STMN1: variants seen among roughly 807,000 people sequenced by gnomAD.
The protein encoded by STMN1 is stathmin.
STMN1 carries 3 observed loss-of-function variants against 19.7 expected under a neutral mutation model. That is an observed-to-expected ratio of 0.15 (90% confidence interval 0.07 to 0.39). The LOEUF is 0.39. STMN1 is among the 10% of genes least tolerant of loss of function. The probability of loss-of-function intolerance (pLI) is 1.00; values close to 1 mark genes in which losing one functional copy is unlikely to be tolerated. For missense variants in STMN1, 99 were observed against 176.0 expected (o/e 0.56, Z 2.48); for synonymous variants, 59 against 58.9 (o/e 1.00, Z -0.01).
At chr1:25,885,159 G>C (rs2048711542), downstream of STMN1, 1 of 153,710 alleles carries the variant, frequency 6.5e-6, no homozygotes, top group East Asian at 1.9e-4. Flanking sequence ...GGTACCAAAG[G>C]TACCCAAATG....
rs548478686 is a variant in STMN1, at chr1:25,900,875, G to C, written c.*141C>G. ...TTAGCCCCTAAAACAACATCTTACAGTCTGGATCTGGATCTACCTATACAG... is the reference window on the plus strand; with the variant it reads ...TTAGCCCCTAAAACAACATCTTACACTCTGGATCTGGATCTACCTATACAG... On this transcript the variant is annotated 3_prime_UTR_variant, in exon 5 of 5. Transcript: ENST00000455785. The C allele has an allele frequency of 2.7e-6, 4 of 1,456,626 alleles. No individual in the cohort carries two copies. The highest frequency in any genetic ancestry group is 2.9e-5 in the African/African-American group (2 of 69,526). 90.2% of individuals were successfully genotyped at this position (1,456,626 alleles called of 1,614,324 possible). A position where few individuals can be genotyped will look rare whatever the true frequency, so the allele number is the denominator to read the frequency against.
At chr1:25,905,261 A>G (rs1320100617) in intron 1 of STMN1, 1 of 152,274 alleles carries the variant, frequency 6.6e-6, no homozygotes, top group Non-Finnish European at 1.5e-5. Flanking sequence ...CAGCAAGCAA[A>G]ATGTTTATGA....
In STMN1 at chr1:25,903,704, C is replaced by T. The variant is rs1186507955; in HGVS notation, c.123G>A (p.Lys41=). Residue 41 remains lysine (K), a synonymous_variant, in exon 3 of 5, where the codon AAG becomes AAA. Coordinates refer to ENST00000455785, the MANE Select transcript of STMN1 (RefSeq NM_005563.4). ...TTTCCTCCAGGGAAAGATCCTTCTT[C>T]TTTGGAGGGGAAAGGGGGAATTCTG... ...SVPEFPLSPP[K]KKDLSLEEIQ... 1.2e-6 allele frequency: 2 copies of T among 1,613,896 alleles called. No homozygotes were observed. The highest frequency in any genetic ancestry group is 8.5e-7 in the Non-Finnish European group (1 of 1,180,032).
chr1:25,894,065 G>A (rs1490693931), intron 4 of STMN1, among the ~76,000 whole-genome samples: 1 of 152,218 alleles, frequency 6.6e-6, no homozygotes, highest in Non-Finnish European at 1.5e-5. Context: ...GTGTCCCACA[G>A]CAGAGGAGAG....
chr1:25,889,736 C>G (rs536816077), intron 4 of STMN1, among the ~76,000 whole-genome samples: 1 of 152,180 alleles, frequency 6.6e-6, no homozygotes, highest in South Asian at 2.1e-4. Flanking sequence ...CCTTAAAGCC[C>G]TTCAAAACTG....
intron 4 of STMN1, chr1:25,892,388 T>A (rs1216116611): frequency 2.7e-6 from 1 of 365,430 alleles, no homozygotes; most frequent in African/African-American, 2.2e-5. Context: ...GACTTTTTTT[T>A]TTTTTTTTTT....
rs1215112008 is a variant in STMN1 at position 25,901,085 on chromosome 1, A to G, written c.381T>C (p.Asp127=). The change falls in exon 5 of 5, where the codon GAT becomes GAC. Residue 127 remains aspartate (D), a splice_region_variant and synonymous_variant. Transcript: ENST00000455785. ...TCTTCCGCACTTCTTCAATGTGCTT[A>G]TCCTGTAAAGGAAGGGTAAGGTGTC... The part of the protein sequence containing the change: ...AAKLERLREK[D]KHIEEVRKNK... The G allele has an allele frequency of 4.6e-6, 7 of 1,510,452 alleles. No homozygotes were observed. The South Asian group carries it at 5.6e-5, about 12-fold the overall frequency. The allele number at this position is 1,510,452 out of a possible 1,614,324, so 93.6% of individuals were successfully genotyped here. A position where few individuals can be genotyped will look rare whatever the true frequency, so the allele number is the denominator to read the frequency against.
At chr1:25,901,116 TCAAA>T in intron 4 of STMN1, 29 bp from the exon 5 acceptor site, 10 of 968,860 alleles carry the variant, frequency 1.0e-5, no homozygotes, top group South Asian at 6.4e-5. Context: ...GTGTCATCAG[TCAAA>T]AAAAAAAAAA....
chr1:25,898,153 T>TA (rs910610005), downstream of STMN1, among the ~76,000 whole-genome samples: 5 of 152,040 alleles, frequency 3.3e-5, no homozygotes, highest in African/African-American at 9.7e-5. Flanking sequence ...CTGCTTAGAA[T>TA]AAAAAAATGG....
intron 4 of STMN1, among the ~76,000 whole-genome samples, chr1:25,886,838 G>A (rs556039441): frequency 2.6e-5 from 4 of 151,924 alleles, no homozygotes; most frequent in Non-Finnish European, 4.4e-5. Flanking sequence ...TGCCTGCCTC[G>A]GTCTCCCAAA....
chr1:25,904,876 A>T, intron 1 of STMN1, 138 bp from the exon 2 acceptor site: 1 of 496,862 alleles, frequency 2.0e-6, no homozygotes, highest in Non-Finnish European at 3.5e-6. Context: ...AACCACGAAA[A>T]AAATTATCAA....
chr1:25,897,876 G>A (rs745310803), downstream of STMN1, among the ~76,000 whole-genome samples: 1 of 152,196 alleles, frequency 6.6e-6, no homozygotes, highest in East Asian at 1.9e-4. Context: ...TTTCCCAAGT[G>A]GAGTGATTTC....
chr1:25,895,156 G>T (rs2124236816), downstream of STMN1, among the ~76,000 whole-genome samples: 1 of 148,398 alleles, frequency 6.7e-6, no homozygotes. Flanking sequence ...AGACTGGAGT[G>T]CGGTGGCGTG....
downstream of STMN1, among the ~76,000 whole-genome samples, chr1:25,896,860 A>G (rs1274607581): frequency 6.6e-6 from 1 of 152,150 alleles, no homozygotes; most frequent in Non-Finnish European, 1.5e-5. Flanking sequence ...CTCACCAGCA[A>G]TGTGTCTGGG....
downstream of STMN1, among the ~76,000 whole-genome samples, chr1:25,895,353 G>A (rs1294065754): frequency 6.6e-6 from 1 of 151,498 alleles, no homozygotes; most frequent in African/African-American, 2.4e-5. Flanking sequence ...TGATCTGCCC[G>A]CCTCGGTCTC....
chr1:25,899,913 G>A (rs1431163374), downstream of STMN1, among the ~76,000 whole-genome samples: 1 of 152,100 alleles, frequency 6.6e-6, no homozygotes, highest in East Asian at 1.9e-4. Flanking sequence ...ATGTCTGAGA[G>A]GCACAAAATA....
chr1:25,894,382 TA>T (rs570079847), intron 4 of STMN1, among the ~76,000 whole-genome samples: 28 of 147,816 alleles, frequency 1.9e-4, no homozygotes, highest in African/African-American at 4.9e-4. Context: ...AACGCTGGCT[TA>T]AAAAAAAAAA....
downstream of STMN1, among the ~76,000 whole-genome samples, chr1:25,895,893 T>C (rs1454433237): frequency 6.6e-6 from 1 of 152,168 alleles, no homozygotes; most frequent in Non-Finnish European, 1.5e-5. Context: ...TTACTCCACA[T>C]GGGGTCCGCA....
downstream of STMN1, among the ~76,000 whole-genome samples, chr1:25,895,904 A>G (rs1045499645): frequency 2.6e-5 from 4 of 152,188 alleles, no homozygotes; most frequent in African/African-American, 9.6e-5. Flanking sequence ...GGGGTCCGCA[A>G]AGGATGAGGA....
Sources: allele counts gnomAD v4.1 joint callset (sites outside exome capture counted in the v4.1 genomes callset), GRCh38; gene constraint gnomAD v4.1.1; transcripts MANE v1.5; gene names NCBI Gene and HGNC (gene_info 2026-07-23, HGNC 2026-07-21).